Variants in FTO observed in about 807,000 individuals in gnomAD.
The protein encoded by FTO is FTO alpha-ketoglutarate dependent dioxygenase.
In FTO, 47 loss-of-function variants were observed where a neutral mutation model predicts 63.9. The observed-to-expected ratio is 0.74, with a 90% CI of 0.58 to 0.94. FTO has a LOEUF of 0.94. FTO is among the 40% of genes least tolerant of loss of function. The pLI is 0.00. For synonymous variants in FTO, 207 were observed against 224.4 expected (o/e 0.92, Z 0.69); for missense variants, 562 against 618.1 (o/e 0.91, Z 0.96).
At chr16:53,752,396 A>C (rs2076819560) in intron 1 of FTO, among the ~76,000 whole-genome samples, 3 of 152,198 alleles carry the variant, frequency 2.0e-5, no homozygotes, top group African/African-American at 7.2e-5. Flanking sequence ...TAAAAAGTGG[A>C]ACCAATGCAA....
chr16:53,918,622 A>G (rs1287908866), intron 7 of FTO, among the ~76,000 whole-genome samples: 2 of 152,162 alleles, frequency 1.3e-5, no homozygotes, highest in East Asian at 3.8e-4. Context: ...CAACCCTAAA[A>G]GCTTAATCAA....
chr16:53,715,623 G>A (rs992658691), intron 1 of FTO, among the ~76,000 whole-genome samples: 10 of 152,152 alleles, frequency 6.6e-5, no homozygotes, highest in African/African-American at 2.2e-4. Context: ...TATCCGCTCC[G>A]CCTCTTATGT....
chr16:53,815,450 C>T (rs2078648406), intron 2 of FTO, among the ~76,000 whole-genome samples: 1 of 151,978 alleles, frequency 6.6e-6, no homozygotes, highest in African/African-American at 2.4e-5. Context: ...CTATGTAGGC[C>T]ACATTGATCA....
intron 4 of FTO, among the ~76,000 whole-genome samples, chr16:53,868,241 A>G (rs1372476727): frequency 6.6e-6 from 1 of 151,416 alleles, no homozygotes; most frequent in African/African-American, 2.4e-5. Flanking sequence ...TGTTTTCTAT[A>G]TTTTGTCTTG....
At chr16:53,804,025 A>G (rs1252521113) in intron 1 of FTO, among the ~76,000 whole-genome samples, 1 of 152,244 alleles carries the variant, frequency 6.6e-6, no homozygotes, top group African/African-American at 2.4e-5. Context: ...ATGAGTAAAT[A>G]ACAACAACGA....
chr16:53,810,124 T>C lies in FTO; in HGVS notation c.46-16T>C, dbSNP rs764242513. On this transcript the variant is annotated splice_polypyrimidine_tract_variant and intron_variant, in intron 1 of 8. Transcript: ENST00000471389. ...TATTGCATATTCACTTATATGTAAT[T>C]ATTATTTTCAAACAGAAACTGAGGC... The C allele has an allele frequency of 1.3e-6, 2 of 1,569,364 alleles. No individual in the cohort carries two copies. The highest frequency in any genetic ancestry group is 1.8e-6 in the Non-Finnish European group (2 of 1,140,184).
chr16:53,808,968 A>G (rs1355771345), intron 1 of FTO, among the ~76,000 whole-genome samples: 2 of 152,218 alleles, frequency 1.3e-5, no homozygotes, highest in Admixed American at 1.3e-4. Context: ...GTGAGTGTAT[A>G]TGCACATTTA....
intron 3 of FTO, among the ~76,000 whole-genome samples, chr16:53,837,145 A>G (rs1342865129): frequency 6.6e-6 from 1 of 152,228 alleles, no homozygotes; most frequent in Non-Finnish European, 1.5e-5. Context: ...CAGATAATAT[A>G]GTGATTTTGA....
intron 1 of FTO, among the ~76,000 whole-genome samples, chr16:53,748,574 C>A (rs1399835183): frequency 6.6e-6 from 1 of 152,096 alleles, no homozygotes; most frequent in Non-Finnish European, 1.5e-5. Context: ...CGTGCCTCAG[C>A]CTCCTGAGTA....
chr16:53,857,101 G>T (rs547516993), intron 4 of FTO, among the ~76,000 whole-genome samples: 1 of 152,110 alleles, frequency 6.6e-6, no homozygotes, highest in South Asian at 2.1e-4. Context: ...TTTTATTTCA[G>T]GTTCAAGGGA....
At chr16:53,834,116 C>T (rs1005123460) in intron 3 of FTO, among the ~76,000 whole-genome samples, 7 of 152,044 alleles carry the variant, frequency 4.6e-5, no homozygotes, top group African/African-American at 1.7e-4. Context: ...GCTCCACCTC[C>T]CAGGTTCACG....
chr16:53,879,578 C>G (rs2080764440), intron 5 of FTO, among the ~76,000 whole-genome samples: 1 of 150,666 alleles, frequency 6.6e-6, no homozygotes, highest in African/African-American at 2.4e-5. Context: ...ACCAGCTATT[C>G]AGGAAGGTGA....
At chr16:53,810,311 C>A in intron 2 of FTO, 94 bp downstream of exon 2, 1 of 865,958 alleles carries the variant, frequency 1.2e-6, no homozygotes, top group Non-Finnish European at 2.0e-6. Context: ...GGTTAAATGA[C>A]AGGTGAAAAG....
At chr16:54,056,471 C>T (rs1440945759) in intron 8 of FTO, among the ~76,000 whole-genome samples, 1 of 152,164 alleles carries the variant, frequency 6.6e-6, no homozygotes, top group African/African-American at 2.4e-5. Flanking sequence ...TTGTGTAATG[C>T]CCTCCCTGTC....
chr16:54,084,891 T>C (rs2086227304), intron 8 of FTO, among the ~76,000 whole-genome samples: 1 of 152,164 alleles, frequency 6.6e-6, no homozygotes, highest in Non-Finnish European at 1.5e-5. Context: ...CCATTCCTGA[T>C]GAAGGATGCA....
intron 8 of FTO, among the ~76,000 whole-genome samples, chr16:54,086,032 TAAC>T (rs1300820150): frequency 6.6e-6 from 1 of 152,128 alleles, no homozygotes; most frequent in Non-Finnish European, 1.5e-5. Context: ...CTTTGCAAAA[TAAC>T]AACAACAATA....
chr16:54,110,141 A>T (rs2086848662), intron 8 of FTO, among the ~76,000 whole-genome samples: 1 of 152,330 alleles, frequency 6.6e-6, no homozygotes, highest in Non-Finnish European at 1.5e-5. Context: ...CCTCAGAACA[A>T]CGACAGCAAG....
At chr16:54,092,634 C>A (rs913888356) in intron 8 of FTO, among the ~76,000 whole-genome samples, 1 of 152,204 alleles carries the variant, frequency 6.6e-6, no homozygotes, top group African/African-American at 2.4e-5. Flanking sequence ...CACAGACCCA[C>A]TCGCTGCCTC....
chr16:54,058,856 T>C (rs561730400), intron 8 of FTO, among the ~76,000 whole-genome samples: 1 of 152,344 alleles, frequency 6.6e-6, no homozygotes, highest in South Asian at 2.1e-4. Context: ...TGTCTGCTGC[T>C]ACTGTGTCTA....
Sources: allele counts gnomAD v4.1 joint callset (sites outside exome capture counted in the v4.1 genomes callset), GRCh38; gene constraint gnomAD v4.1.1; transcripts MANE v1.5; gene names NCBI Gene and HGNC (gene_info 2026-07-23, HGNC 2026-07-21).